Variants in PARD3 observed in about 807,000 individuals in gnomAD.
The protein encoded by PARD3 is partitioning defective 3 homolog.
A neutral mutation model predicts 155.4 loss-of-function variants in PARD3; 75 were observed. That is an observed-to-expected ratio of 0.48 (90% CI 0.40 to 0.58). The LOEUF (loss-of-function observed/expected upper bound fraction) is 0.58. Ranked by LOEUF, PARD3 falls within the 20% of genes least tolerant of loss-of-function variation. The pLI is 0.00. For synonymous variants in PARD3, 576 were observed against 610.5 expected, an observed-to-expected ratio of 0.94 and a Z score of 0.83; for missense variants, 1,642 against 1,721.7, an observed-to-expected ratio of 0.95 and a Z score of 0.82.
chr10:34,675,391 A>G (rs2093686661), intron 2 of PARD3, among the ~76,000 whole-genome samples: 1 of 152,220 alleles, frequency 6.6e-6, no homozygotes, highest in African/African-American at 2.4e-5. Flanking sequence ...AAGATGATTG[A>G]AGTCCATGAA....
intron 3 of PARD3, among the ~76,000 whole-genome samples, chr10:34,495,871 A>T (rs1000523192): frequency 2.0e-5 from 3 of 150,874 alleles, no homozygotes; most frequent in African/African-American, 7.3e-5. Context: ...AACCGTGAGG[A>T]TGTGGCCCCA....
intron 22 of PARD3, among the ~76,000 whole-genome samples, chr10:34,170,474 C>T (rs10466070): frequency 1.3e-3 from 199 of 152,236 alleles, no homozygotes; most frequent in African/African-American, 4.5e-3. Context: ...CAGAGATGCA[C>T]AAGACAGAGA....
At chr10:34,797,431 C>T (rs556798432) in intron 1 of PARD3, among the ~76,000 whole-genome samples, 3 of 152,288 alleles carry the variant, frequency 2.0e-5, no homozygotes, top group Admixed American at 1.3e-4. Context: ...GAATTACAGG[C>T]GTGAGGCACC....
chr10:34,227,855 T>TACA (rs55842134), intron 22 of PARD3, among the ~76,000 whole-genome samples: 4 of 83,770 alleles, frequency 4.8e-5, no homozygotes, highest in African/African-American at 6.4e-5. Flanking sequence ...GGAATTATTT[T>TACA]TTATATATAT....
intron 5 of PARD3, among the ~76,000 whole-genome samples, chr10:34,415,965 T>C (rs535211600): frequency 7.9e-5 from 12 of 152,284 alleles, no homozygotes; most frequent in African/African-American, 1.7e-4. Flanking sequence ...TGAGTGGTCA[T>C]AGATTTAAAA....
At chr10:34,464,738 C>T (rs770822046) in intron 4 of PARD3, among the ~76,000 whole-genome samples, 1 of 152,154 alleles carries the variant, frequency 6.6e-6, no homozygotes, top group Non-Finnish European at 1.5e-5. Context: ...AAAATTCTCT[C>T]AATACAGCAG....
At chr10:34,115,897 A>T (rs1371031439) in intron 24 of PARD3, among the ~76,000 whole-genome samples, 5 of 152,074 alleles carry the variant, frequency 3.3e-5, no homozygotes, top group Non-Finnish European at 7.4e-5. Flanking sequence ...TATTTTTAGT[A>T]GAGACAAGGT....
chr10:34,121,065 G>GAA (rs34639631), intron 23 of PARD3, among the ~76,000 whole-genome samples: 16 of 124,916 alleles, frequency 1.3e-4, no homozygotes, highest in Middle Eastern at 7.6e-3. Context: ...CTCAAAAAAA[G>GAA]AAAAAAAAAA....
intron 15 of PARD3, chr10:34,344,130 A>C: frequency 2.0e-6 from 2 of 981,290 alleles, no homozygotes; most frequent in Non-Finnish European, 2.4e-6. Flanking sequence ...TTAAAAAGAA[A>C]AATTATTCAG....
chr10:34,502,060 C>T (rs2080751665), intron 3 of PARD3, among the ~76,000 whole-genome samples: 2 of 152,134 alleles, frequency 1.3e-5, no homozygotes, highest in Non-Finnish European at 2.9e-5. Context: ...TCACTAGACA[C>T]CAAAACTGCT....
At chr10:34,391,425 G>A (rs1842864078) in intron 7 of PARD3, among the ~76,000 whole-genome samples, 1 of 152,110 alleles carries the variant, frequency 6.6e-6, no homozygotes, top group Admixed American at 6.5e-5. Flanking sequence ...AGAGCTCGGT[G>A]GTGTTGATTC....
chr10:34,399,268 G>T, intron 7 of PARD3, 62 bp downstream of exon 7: 2 of 1,039,470 alleles, frequency 1.9e-6, no homozygotes, highest in Non-Finnish European at 3.0e-6. Flanking sequence ...CTCTATCTGA[G>T]CATAAATGAA....
At chr10:34,193,635 A>G (rs1280910449) in intron 22 of PARD3, among the ~76,000 whole-genome samples, 1 of 152,154 alleles carries the variant, frequency 6.6e-6, no homozygotes, top group Non-Finnish European at 1.5e-5. Flanking sequence ...TCAATTTAAA[A>G]CCTATTTCTT....
intron 12 of PARD3, among the ~76,000 whole-genome samples, chr10:34,371,970 T>G (rs1232322719): frequency 6.6e-6 from 1 of 152,152 alleles, no homozygotes; most frequent in East Asian, 1.9e-4. Context: ...GATGCAACTA[T>G]GTTTGCATTT....
chr10:34,781,122 C>T (rs988056862), intron 1 of PARD3, among the ~76,000 whole-genome samples: 1 of 152,226 alleles, frequency 6.6e-6, no homozygotes, highest in Non-Finnish European at 1.5e-5. Context: ...CACCCCTCCC[C>T]CCTCTAGCCT....
chr10:34,350,700 G>A (rs992203886), intron 14 of PARD3, among the ~76,000 whole-genome samples: 1 of 152,014 alleles, frequency 6.6e-6, no homozygotes, highest in African/African-American at 2.4e-5. Flanking sequence ...GCACAACTGC[G>A]ATTTTCATTT....
At chr10:34,615,566 G>A (rs2477016) in intron 2 of PARD3, among the ~76,000 whole-genome samples, 79,987 of 152,052 alleles carry the variant, frequency 0.53, 24,418 homozygotes, top group African/African-American at 0.86. Flanking sequence ...TTTTATGGCT[G>A]AGAACTCATG....
chr10:34,632,058 A>G (rs2092294819), intron 2 of PARD3, among the ~76,000 whole-genome samples: 1 of 152,304 alleles, frequency 6.6e-6, no homozygotes, highest in African/African-American at 2.4e-5. Flanking sequence ...GAGGCTTTTG[A>G]GATCAGCCTG....
intron 2 of PARD3, among the ~76,000 whole-genome samples, chr10:34,535,742 C>T (rs1564819808): frequency 6.6e-6 from 1 of 151,800 alleles, no homozygotes; most frequent in Admixed American, 6.6e-5. Context: ...TTCCAAAGTG[C>T]TGGGATTACA....
Sources: gnomAD v4.1 joint callset for allele counts (sites outside exome capture counted in the v4.1 genomes callset) on GRCh38, gnomAD v4.1.1 for gene constraint, MANE v1.5 for transcripts, NCBI Gene and HGNC (gene_info 2026-07-23, HGNC 2026-07-21) for gene names.